Variants in SYNE2 observed in about 807,000 individuals in gnomAD.
SYNE2 encodes the protein nesprin-2.
Under a neutral mutation model 856.3 loss-of-function variants are expected in SYNE2, and 431 were observed. That is an observed-to-expected ratio of 0.50 (90% confidence interval 0.47 to 0.55). SYNE2 has a LOEUF of 0.55. Among genes scored for constraint, SYNE2 ranks in the 20% least tolerant of loss-of-function variants. The pLI is 0.00. For missense variants in SYNE2, 8,129 were observed against 8,023.2 expected (o/e 1.01, Z -0.50); for synonymous variants, 2,923 against 2,872.3 (o/e 1.02, Z -0.56).
intron 6 of SYNE2, among the ~76,000 whole-genome samples, chr14:63,942,378 G>A (rs556231492): frequency 6.6e-6 from 1 of 152,324 alleles, no homozygotes; most frequent in African/African-American, 2.4e-5. Context: ...GAGTGCCGTG[G>A]CGCAGTCTTA....
chr14:63,902,657 AG>A (rs1397682214), intron 1 of SYNE2, among the ~76,000 whole-genome samples: 1 of 151,642 alleles, frequency 6.6e-6, no homozygotes, highest in African/African-American at 2.4e-5. Context: ...AGCTAAATCT[AG>A]CCCTTAGCCC....
At chr14:63,799,840 G>A (rs1888062835) in intron 1 of SYNE2, among the ~76,000 whole-genome samples, 1 of 152,162 alleles carries the variant, frequency 6.6e-6, no homozygotes, top group African/African-American at 2.4e-5. Flanking sequence ...TAATATGAAA[G>A]TTAAATTCTT....
chr14:63,781,233 G>A (rs1226338281), intron 1 of SYNE2, among the ~76,000 whole-genome samples: 1 of 150,402 alleles, frequency 6.6e-6, no homozygotes, highest in Non-Finnish European at 1.5e-5. Context: ...AGCCGAGATC[G>A]CGCCATTGTA....
chr14:63,998,395 CTT>C, intron 26 of SYNE2, 67 bp downstream of exon 26: 2 of 1,095,446 alleles, frequency 1.8e-6, no homozygotes, highest in Non-Finnish European at 2.8e-6. Flanking sequence ...ACATGTTAGA[CTT>C]TTTAAAAGTT....
At chr14:63,927,024 G>T (rs761034196) in intron 2 of SYNE2, among the ~76,000 whole-genome samples, 1 of 152,224 alleles carries the variant, frequency 6.6e-6, no homozygotes, top group Non-Finnish European at 1.5e-5. Context: ...AAGAAGGCGG[G>T]AGTGGCTGGA....
In SYNE2 at chr14:64,053,596, C is replaced by A. The variant is rs774095930; in HGVS notation, c.9683C>A (p.Thr3228Lys). ...ENSSEASDVETKLREFEDLQM... is the reference protein window; with the variant it reads ...ENSSEASDVEKKLREFEDLQM... ...TCTTCTGAAGCGAGTGATGTGGAGA[C>A]AAAACTACGTGAGTTTGAAGATCTT... Residue 3228 changes from threonine (T) to lysine (K), a missense_variant, in exon 48 of 116, where the codon ACA (threonine) becomes AAA (lysine). Thr to Lys is a moderately conservative substitution (Grantham distance 78). Coordinates refer to ENST00000555002, the MANE Select transcript of SYNE2 (RefSeq NM_182914.3). 3.7e-6 allele frequency: 6 copies of A among 1,613,614 alleles called. No homozygotes were observed. In the South Asian group the frequency reaches 6.6e-5, roughly 18 times the overall value.
chr14:63,986,326 C>T (rs954033397), intron 18 of SYNE2, 130 bp from the exon 19 acceptor site: 28 of 974,760 alleles, frequency 2.9e-5, no homozygotes, highest in African/African-American at 4.9e-5. Context: ...TCACAAACTC[C>T]TAGCCTCAAG....
At chr14:64,123,313 G>C (rs894520720) in intron 70 of SYNE2, among the ~76,000 whole-genome samples, 1 of 152,124 alleles carries the variant, frequency 6.6e-6, no homozygotes, top group South Asian at 2.1e-4. Flanking sequence ...TCCAGACAGG[G>C]AGCAGGTGAG....
At position 64,216,235 on chromosome 14, in the gene SYNE2, T is replaced by C; in HGVS notation, c.19403-13T>C. On this transcript the variant is annotated splice_polypyrimidine_tract_variant and intron_variant, in intron 107 of 115. Coordinates refer to ENST00000555002, the MANE Select transcript of SYNE2 (RefSeq NM_182914.3). ...GGAGAGAATAGACTGTCGCTTGCTG[T>C]CTTTCGTTTCAGGTAAATCCATTTC... 6.2e-7 allele frequency: 1 copy of C among 1,614,120 alleles called. No individual in the cohort carries two copies. Among genetic ancestry groups the C allele is most frequent in the Non-Finnish European group, 8.5e-7 (1 of 1,180,042 alleles).
At chr14:63,965,248 C>G (rs956609182) in intron 10 of SYNE2, among the ~76,000 whole-genome samples, 1 of 152,118 alleles carries the variant, frequency 6.6e-6, no homozygotes, top group Admixed American at 6.5e-5. Flanking sequence ...CAGGTGTGAG[C>G]CACCACATCT....
rs1381440668 is a variant in SYNE2 at position 64,052,557 on chromosome 14, A to G, written c.8644A>G (p.Lys2882Glu). The G allele has an allele frequency of 9.9e-6, 16 of 1,614,048 alleles. No individual in the cohort carries two copies. The highest frequency in any genetic ancestry group is 1.7e-5 in the Admixed American group (1 of 60,008). ...CCATGTTACTTTGGAGGCATCTCAG[A>G]AGGAATTGCAAGAAATTGACAGTGG... ...HHHVTLEASQ[K>E]ELQEIDSGIS... The change falls in exon 48 of 116, where the codon AAG (lysine) becomes GAG (glutamate). Residue 2882 changes from lysine to glutamate, a missense_variant. By Grantham distance (56) the Lys-to-Glu change is moderately conservative. Transcript: ENST00000555002.
At position 64,020,035 on chromosome 14, in the gene SYNE2, GA is replaced by G; in HGVS notation, c.5095del (p.Arg1699GlufsTer26). ...GAACAAAAAACTTCAGAATTTTCTA[GA>G]AGAGTGGCTGAAATACAGTTTTTGC... ...VHEQKTSEFS[R>X]RVAEIQFLLQ... On this transcript the variant is annotated frameshift_variant, in exon 35 of 116. Transcript: ENST00000555002. LOFTEE classifies it high-confidence loss of function. 3 of 1,613,970 alleles carry G rather than the reference GA, an allele frequency of 1.9e-6. No homozygotes were observed. The highest frequency in any genetic ancestry group is 2.5e-6 in the Non-Finnish European group (3 of 1,179,882).
chr14:64,012,792 G>A (rs2096856794), intron 32 of SYNE2, among the ~76,000 whole-genome samples: 1 of 152,154 alleles, frequency 6.6e-6, no homozygotes, highest in African/African-American at 2.4e-5. Context: ...TAAAAAAGCA[G>A]ATTTTAGTAC....
At chr14:64,117,763 G>A (rs978003786) in intron 66 of SYNE2, among the ~76,000 whole-genome samples, 1 of 152,080 alleles carries the variant, frequency 6.6e-6, no homozygotes, top group South Asian at 2.1e-4. Context: ...TCAGGTTTTG[G>A]AGCATTTTGG....
At chr14:64,156,942 A>G (rs904160960) in intron 85 of SYNE2, among the ~76,000 whole-genome samples, 2 of 152,214 alleles carry the variant, frequency 1.3e-5, no homozygotes, top group Non-Finnish European at 2.9e-5. Context: ...TGGATGTGCC[A>G]GCATTCCTTG....
At chr14:63,852,796 C>G (rs895744417), upstream of SYNE2, among the ~76,000 whole-genome samples, 1 of 152,092 alleles carries the variant, frequency 6.6e-6, no homozygotes, top group Non-Finnish European at 1.5e-5. Flanking sequence ...GTGGTCTCTC[C>G]CTCACACCAC....
rs377493238 is a variant in SYNE2, at chr14:63,990,526, C to A, written c.2429C>A (p.Thr810Asn). The A allele has an allele frequency of 3.7e-6, 6 of 1,613,898 alleles. No individual in the cohort carries two copies. The South Asian group carries it at 6.6e-5, about 18-fold the overall frequency. ...GAGTCCTTTCAACATGTTCTCACAACTGGGCTTCAGGCAAAGATTCAAGAA... is the reference window on the plus strand; with the variant it reads ...GAGTCCTTTCAACATGTTCTCACAAATGGGCTTCAGGCAAAGATTCAAGAA... Reference protein sequence around the residue: ...SQESFQHVLTTGLQAKIQEAK... With the variant: ...SQESFQHVLTNGLQAKIQEAK... Residue 810 changes from threonine to asparagine, a missense_variant, in exon 20 of 116, where the codon ACT (threonine) becomes AAT (asparagine). Thr to Asn is a moderately conservative substitution (Grantham distance 65). Coordinates refer to ENST00000555002, the MANE Select transcript of SYNE2 (RefSeq NM_182914.3).
intron 14 of SYNE2, 54 bp downstream of exon 14, chr14:63,979,068 T>C (rs2096566246): frequency 1.9e-6 from 3 of 1,583,002 alleles, no homozygotes; most frequent in Non-Finnish European, 2.6e-6. Context: ...GGGTGCTGTG[T>C]TTGCATTTTT....
intron 14 of SYNE2, among the ~76,000 whole-genome samples, chr14:63,980,345 A>G (rs2096576340): frequency 1.3e-5 from 2 of 152,352 alleles, no homozygotes; most frequent in South Asian, 4.1e-4. Flanking sequence ...GAAATGTGCA[A>G]AGTAGGAGAT....
Sources: gnomAD v4.1 joint callset for allele counts (sites outside exome capture counted in the v4.1 genomes callset) on GRCh38, gnomAD v4.1.1 for gene constraint, MANE v1.5 for transcripts, NCBI Gene and HGNC (gene_info 2026-07-23, HGNC 2026-07-21) for gene names.